ELP1: variants seen among roughly 807,000 people sequenced by gnomAD.
ELP1 encodes the protein elongator acetyltransferase complex subunit 1.
ELP1 carries 131 observed loss-of-function variants against 183.2 expected under a neutral mutation model. That is an observed-to-expected ratio of 0.72 (90% confidence interval 0.62 to 0.83). The LOEUF (loss-of-function observed/expected upper bound fraction) is 0.83. Among genes scored for constraint, ELP1 ranks in the 40% least tolerant of loss-of-function variants. ELP1 has a pLI of 0.00. For missense variants in ELP1, 1,550 were observed against 1,594.9 expected (o/e 0.97, Z 0.48); for synonymous variants, 555 against 569.0 (o/e 0.98, Z 0.35).
rs1168749657 is a variant in ELP1, at chr9:108,906,340, A to G, written c.1606T>C (p.Ser536Pro). ...SVIHHLTAAS[S>P]EMDEEHGQLN... ...TGTCCATGCTCTTCATCCATCTCAG[A>G]AGAAGCTGCAGTCAAATGGTGAATG... The change falls in exon 14 of 37, where the codon TCT becomes CCT. Residue 536 changes from serine to proline, a missense_variant. Physicochemically the swap from Ser to Pro is moderately conservative, Grantham distance 74 (BLOSUM62 -1). Coordinates refer to ENST00000374647, the MANE Select transcript of ELP1 (RefSeq NM_003640.5). 4 of 1,614,082 alleles carry G rather than the reference A, an allele frequency of 2.5e-6. No homozygotes were observed. The highest frequency in any genetic ancestry group is 3.4e-6 in the Non-Finnish European group (4 of 1,179,928).
intron 11 of ELP1, among the ~76,000 whole-genome samples, chr9:108,911,580 T>G (rs1829225210): frequency 6.6e-6 from 1 of 152,196 alleles, no homozygotes; most frequent in Non-Finnish European, 1.5e-5. Context: ...CTGATTAAGT[T>G]CTCTATATAG....
chr9:108,878,759 A>G lies in ELP1; in HGVS notation c.3573-9T>C. ...GATTCTTGGATGATCTCCTGTTAGA[A>G]ATTACACAGATATTTTTAAGCCTCC... On this transcript the variant is annotated splice_polypyrimidine_tract_variant and intron_variant, in intron 33 of 36. Coordinates refer to ENST00000374647, the MANE Select transcript of ELP1 (RefSeq NM_003640.5). 1 of 1,613,662 alleles carries G rather than the reference A, an allele frequency of 6.2e-7. No individual in the cohort carries two copies. The highest frequency in any genetic ancestry group is 8.5e-7 in the Non-Finnish European group (1 of 1,179,962).
At chr9:108,930,853 G>A (rs1053313227) in intron 2 of ELP1, 144 bp downstream of exon 2, 4 of 780,684 alleles carry the variant, frequency 5.1e-6, no homozygotes, top group East Asian at 2.7e-5. Flanking sequence ...TGTCTAACAT[G>A]GCATATATAT....
chr9:108,896,685 G>A (rs974997506), intron 24 of ELP1, 41 bp from the exon 25 acceptor site: 1 of 1,601,704 alleles, frequency 6.2e-7, no homozygotes, highest in Non-Finnish European at 8.6e-7. Context: ...CAATCATTTG[G>A]GGAAAAAATC....
intron 29 of ELP1, 95 bp from the exon 30 acceptor site, chr9:108,882,282 T>G (rs1827959971): frequency 9.7e-7 from 1 of 1,029,000 alleles, no homozygotes; most frequent in Admixed American, 1.8e-5. Flanking sequence ...TGCCTCTATC[T>G]CCCTGGCCAG....
At position 108,897,163 on chromosome 9, in the gene ELP1, C is replaced by T. The variant is rs761694499; in HGVS notation, c.2486G>A (p.Ser829Asn). The T allele has an allele frequency of 1.2e-6, 2 of 1,614,200 alleles. No homozygotes were observed. Among genetic ancestry groups the T allele is most frequent in the Non-Finnish European group, 8.5e-7 (1 of 1,180,044 alleles). Residue 829 changes from serine to asparagine, a missense_variant, in exon 23 of 37, where the codon AGC becomes AAC. Transcript: ENST00000374647. ...VCDAMRAVME[S>N]INPHKYCLSI... ...GCATACATACTTATGAGGATTTATG[C>T]TCTCCATGACTGCTCTCATAGCATC...
intron 1 of ELP1, 121 bp downstream of exon 1, chr9:108,933,743 G>C (rs113053446): frequency 6.5e-5 from 10 of 152,766 alleles, no homozygotes; most frequent in African/African-American, 2.4e-4. Context: ...GAAAGAGGTG[G>C]TGCAGCCCGC....
Position 108,911,173 on chromosome 9 carries a change from C to T in ELP1, c.1197G>A (p.Val399=). Residue 399 remains valine (V), a synonymous_variant, in exon 12 of 37, where the codon GTG becomes GTA. Transcript: ENST00000374647. ...SNVAVIDGNR[V]LVTVFRQTVV... is the part of the protein sequence containing the mutation. The stretch of plus-strand genomic sequence containing the variant: ...CAGTCTGCCGGAAGACTGTCACCAA[C>T]ACCCTGTCTGCAGTGAAAAAGAAAG... The T allele has an allele frequency of 1.2e-6, 2 of 1,614,152 alleles. No homozygotes were observed. The highest frequency in any genetic ancestry group is 1.7e-6 in the Non-Finnish European group (2 of 1,180,002).
At chr9:108,884,985 G>A (rs577449931) in intron 29 of ELP1, among the ~76,000 whole-genome samples, 3 of 152,174 alleles carry the variant, frequency 2.0e-5, no homozygotes, top group East Asian at 1.9e-4. Context: ...GGAGGCTGAG[G>A]GGGGAGGACA....
At position 108,868,449 on chromosome 9, in the gene ELP1, TGATACTGTTTA is replaced by T; in HGVS notation, c.*655_*665del. On this transcript the variant is annotated 3_prime_UTR_variant, in exon 37 of 37. Coordinates refer to ENST00000374647, the MANE Select transcript of ELP1 (RefSeq NM_003640.5). ...ACTGATCACTCACACCAACTGTGCA[TGATACTGTTTA>T]GAAATTCTAATCTGTTCTAGCTCTA... is the stretch of plus-strand genomic sequence containing the variant. 1 of 330,854 alleles carries T rather than the reference TGATACTGTTTA, an allele frequency of 3.0e-6. No homozygotes were observed. The highest frequency in any genetic ancestry group is 5.5e-6 in the Non-Finnish European group (1 of 183,306). The allele number at this position is 330,854 out of a possible 1,614,324, so 20.5% of individuals were successfully genotyped here.
chr9:108,918,762 C>T lies in ELP1; in HGVS notation c.740+49G>A, dbSNP rs1829540357. The T allele has an allele frequency of 2.3e-6, 3 of 1,295,254 alleles. No individual in the cohort carries two copies. In the South Asian group the frequency reaches 3.5e-5, roughly 15 times the overall value. The allele number at this position is 1,295,254 out of a possible 1,614,324, so 80.2% of individuals were successfully genotyped here. Reference sequence around the variant, plus strand: ...TCATCTGTATCCATGTGTACCACCACCTCTACTCTGGTTCCAAGAATTTCT... The same window carrying T: ...TCATCTGTATCCATGTGTACCACCATCTCTACTCTGGTTCCAAGAATTTCT... On this transcript the variant is annotated intron_variant, in intron 8 of 36. Coordinates refer to ENST00000374647, the MANE Select transcript of ELP1 (RefSeq NM_003640.5).
At chr9:108,931,967 G>A (rs1016961284) in intron 1 of ELP1, among the ~76,000 whole-genome samples, 1 of 152,206 alleles carries the variant, frequency 6.6e-6, no homozygotes, top group African/African-American at 2.4e-5. Context: ...TACCTAAGTA[G>A]GGGAAAAAAA....
At chr9:108,875,634 C>T (rs2118927373) in intron 35 of ELP1, 2 of 347,644 alleles carry the variant, frequency 5.8e-6, no homozygotes, top group Middle Eastern at 7.7e-4. Context: ...GTGGCTTACA[C>T]CTGTAATCTC....
chr9:108,874,891 TA>T lies in ELP1; in HGVS notation c.3931+3del. 1 of 1,590,556 alleles carries T rather than the reference TA, an allele frequency of 6.3e-7. No homozygotes were observed. The highest frequency in any genetic ancestry group is 8.6e-7 in the Non-Finnish European group (1 of 1,158,680). ...TGTAATATTAAATGAGAAAAAATACTAACCAAGAACAGGAACCGAAGTCTTC... is the reference window on the plus strand; with the variant it reads ...TGTAATATTAAATGAGAAAAAATACTACCAAGAACAGGAACCGAAGTCTTC... On this transcript the variant is annotated splice_donor_region_variant and intron_variant, in intron 36 of 36. Transcript: ENST00000374647.
chr9:108,923,026 AGGTC>A, intron 5 of ELP1, 99 bp from the exon 6 acceptor site: 1 of 876,328 alleles, frequency 1.1e-6, no homozygotes, highest in Non-Finnish European at 1.9e-6. Context: ...GCAATTACTC[AGGTC>A]CTCTAACGCC....
At chr9:108,896,910 G>C (rs753357912) in intron 24 of ELP1, 43 bp downstream of exon 24, 2 of 1,530,894 alleles carry the variant, frequency 1.3e-6, no homozygotes, top group Admixed American at 3.3e-5. Flanking sequence ...ACTAGTAGCA[G>C]TCACGGCCAC....
At position 108,869,082 on chromosome 9, in the gene ELP1, C is replaced by T. The variant is rs761790459; in HGVS notation, c.*33G>A. The stretch of plus-strand genomic sequence containing the variant: ...GACAACAGGAATGAGTGGAAATGGT[C>T]TTCTCTGTCGGATCCCTCCTAACTG... On this transcript the variant is annotated 3_prime_UTR_variant, in exon 37 of 37. Coordinates refer to ENST00000374647, the MANE Select transcript of ELP1 (RefSeq NM_003640.5). 6.3e-7 allele frequency: 1 copy of T among 1,593,628 alleles called. No homozygotes were observed.
In ELP1 at chr9:108,906,409, C is replaced by T. The variant is rs201706900; in HGVS notation, c.1537G>A (p.Val513Ile). Residue 513 changes from valine (V) to isoleucine (I), a missense_variant, in exon 14 of 37, where the codon GTC becomes ATC. Physicochemically the swap from Val to Ile is conservative, Grantham distance 29. Coordinates refer to ENST00000374647, the MANE Select transcript of ELP1 (RefSeq NM_003640.5). ...LGLLTWIEED[V>I]FLAVSHSEFS... ...TCACTGTGGCTTACAGCCAGGAAGA[C>T]GTCTTCTTCAATCCAAGTGAGAAGG... is the stretch of plus-strand genomic sequence containing the variant. 4.3e-6 allele frequency: 7 copies of T among 1,614,052 alleles called. No homozygotes were observed. The highest frequency in any genetic ancestry group is 2.7e-5 in the African/African-American group (2 of 75,042).
At chr9:108,879,903 A>G in intron 32 of ELP1, 149 bp downstream of exon 32, 1 of 702,672 alleles carries the variant, frequency 1.4e-6, no homozygotes. Context: ...ACAGACACAG[A>G]GGGCCCTGAA....
Sources: allele counts gnomAD v4.1 joint callset (sites outside exome capture counted in the v4.1 genomes callset), GRCh38; gene constraint gnomAD v4.1.1; transcripts MANE v1.5; gene names NCBI Gene and HGNC (gene_info 2026-07-23, HGNC 2026-07-21).